MRPS28: variants seen among roughly 807,000 people sequenced by gnomAD.
The protein encoded by MRPS28 is mitochondrial ribosomal protein S28.
MRPS28 carries 7 observed loss-of-function variants against 10.8 expected under a neutral mutation model. The observed-to-expected ratio is 0.65, with a 90% confidence interval of 0.37 to 1.22. MRPS28 has a LOEUF of 1.22. Ranked by LOEUF, MRPS28 falls within the 50% of genes most tolerant of loss-of-function variation. The probability of loss-of-function intolerance (pLI) is 0.02; values close to 1 mark genes in which losing one functional copy is unlikely to be tolerated. For missense variants in MRPS28, 265 were observed against 232.9 expected (o/e 1.14, Z -0.90); for synonymous variants, 121 against 93.3 (o/e 1.30, Z -1.71).
intron 2 of MRPS28, among the ~76,000 whole-genome samples, chr8:79,981,336 A>G (rs1807947822): frequency 6.6e-6 from 1 of 152,138 alleles, no homozygotes; most frequent in South Asian, 2.1e-4. Flanking sequence ...AAAAACAAAA[A>G]CAAAAACATG....
At chr8:80,024,814 A>G (rs1242474985) in intron 1 of MRPS28, among the ~76,000 whole-genome samples, 1 of 152,232 alleles carries the variant, frequency 6.6e-6, no homozygotes, top group Non-Finnish European at 1.5e-5. Context: ...TTCAGGAACT[A>G]CAGCTAGAAA....
chr8:79,928,363 T>G (rs1338011052), intron 2 of MRPS28, among the ~76,000 whole-genome samples: 1 of 151,928 alleles, frequency 6.6e-6, no homozygotes, highest in Non-Finnish European at 1.5e-5. Flanking sequence ...AAAAGAGACT[T>G]TCAGGGCTTA....
chr8:79,941,122 TAC>T (rs1431419620), intron 2 of MRPS28, among the ~76,000 whole-genome samples: 3 of 152,066 alleles, frequency 2.0e-5, no homozygotes, highest in African/African-American at 7.2e-5. Flanking sequence ...CATGTCTCTA[TAC>T]AAAATTAAAA....
At chr8:80,009,269 C>T (rs375761074) in intron 1 of MRPS28, among the ~76,000 whole-genome samples, 1 of 152,100 alleles carries the variant, frequency 6.6e-6, no homozygotes, top group East Asian at 1.9e-4. Flanking sequence ...CACAGCAGGG[C>T]TTGCTGTGGG....
intron 2 of MRPS28, among the ~76,000 whole-genome samples, chr8:79,959,735 TAAGAC>T (rs775129431): frequency 6.6e-6 from 1 of 152,112 alleles, no homozygotes; most frequent in African/African-American, 2.4e-5. Context: ...TTTTAGCTAA[TAAGAC>T]AAGTAGAAAA....
intron 2 of MRPS28, among the ~76,000 whole-genome samples, chr8:79,988,540 A>G (rs1004174923): frequency 6.6e-6 from 1 of 152,042 alleles, no homozygotes; most frequent in Non-Finnish European, 1.5e-5. Context: ...ACAAAGCATC[A>G]TGTTTTCAAG....
At chr8:80,010,480 T>C (rs909526752) in intron 1 of MRPS28, among the ~76,000 whole-genome samples, 2 of 152,204 alleles carry the variant, frequency 1.3e-5, no homozygotes, top group African/African-American at 4.8e-5. Context: ...GAGGGCTTGA[T>C]AATCAGGATA....
intron 2 of MRPS28, among the ~76,000 whole-genome samples, chr8:79,933,154 C>T (rs1415168210): frequency 2.6e-5 from 4 of 152,176 alleles, no homozygotes; most frequent in Non-Finnish European, 5.9e-5. Flanking sequence ...TAACAAAATA[C>T]CACAGATCGG....
rs186817689 is a variant in MRPS28 at position 80,015,206 on chromosome 8, G to T, written c.214-12026C>A. ...GAAAAATCCCCTTGTACTTCAGACG[G>T]CAAGTTCTGTGGGGAATAGAACTAT... On this transcript the variant is annotated intron_variant, in intron 1 of 2. Transcript: ENST00000276585. Among the ~76,000 whole-genome samples the T allele has an allele frequency of 1.7e-3, 252 of 152,332 alleles. 1 individual carries two copies. Among genetic ancestry groups the T allele is most frequent in the Non-Finnish European group, 2.9e-3 (199 of 68,026 alleles).
intron 2 of MRPS28, among the ~76,000 whole-genome samples, chr8:79,948,804 GA>G (rs1237656972): frequency 6.6e-6 from 1 of 151,938 alleles, no homozygotes; most frequent in Admixed American, 6.6e-5. Context: ...ACATTGCCAG[GA>G]TAAACTGCAC....
intron 2 of MRPS28, among the ~76,000 whole-genome samples, chr8:79,925,008 T>G (rs1461432350): frequency 5.3e-5 from 8 of 152,188 alleles, no homozygotes; most frequent in Admixed American, 5.2e-4. Flanking sequence ...ATCACTGTAC[T>G]ATCTGTACTG....
chr8:79,973,732 C>T (rs555129049), intron 2 of MRPS28, among the ~76,000 whole-genome samples: 24 of 151,236 alleles, frequency 1.6e-4, no homozygotes, highest in African/African-American at 5.1e-4. Context: ...CACTCAGAGA[C>T]TCTAGAACTT....
At chr8:79,971,007 A>C (rs548266730) in intron 2 of MRPS28, among the ~76,000 whole-genome samples, 6 of 152,334 alleles carry the variant, frequency 3.9e-5, no homozygotes, top group African/African-American at 1.4e-4. Context: ...TAAACAAACA[A>C]TGGACTTTCC....
intron 2 of MRPS28, among the ~76,000 whole-genome samples, chr8:79,947,618 A>T (rs1055083086): frequency 1.3e-5 from 2 of 150,478 alleles, no homozygotes; most frequent in African/African-American, 4.9e-5. Context: ...ATCTTTTGTT[A>T]AATATATTAA....
intron 2 of MRPS28, among the ~76,000 whole-genome samples, chr8:79,982,772 T>A (rs1007738943): frequency 1.3e-5 from 2 of 152,214 alleles, no homozygotes; most frequent in Non-Finnish European, 2.9e-5. Context: ...AAGCTCGAAC[T>A]GGGTGGAGCC....
At chr8:79,935,878 T>C (rs1386121834) in intron 2 of MRPS28, among the ~76,000 whole-genome samples, 1 of 151,868 alleles carries the variant, frequency 6.6e-6, no homozygotes, top group Non-Finnish European at 1.5e-5. Context: ...AAGAGCCAAA[T>C]GGACAAAGAG....
chr8:80,024,909 A>T (rs530501133), intron 1 of MRPS28, among the ~76,000 whole-genome samples: 1 of 152,342 alleles, frequency 6.6e-6, no homozygotes, highest in Middle Eastern at 3.4e-3. Context: ...ACTCCAGAGC[A>T]TTCAAAAACA....
chr8:79,984,354 AAACTGCATCAACT>A (rs1808080484), intron 2 of MRPS28, among the ~76,000 whole-genome samples: 1 of 152,256 alleles, frequency 6.6e-6, no homozygotes, highest in African/African-American at 2.4e-5. Context: ...GGCTAGGAAG[AAACTGCATCAACT>A]AACGAGCAAA....
At chr8:79,960,433 T>C (rs181488498) in intron 2 of MRPS28, among the ~76,000 whole-genome samples, 2 of 152,260 alleles carry the variant, frequency 1.3e-5, no homozygotes, top group Admixed American at 6.5e-5. Context: ...TACAATTATT[T>C]GCAAAGCACT....
Sources: gnomAD v4.1 joint callset for allele counts (sites outside exome capture counted in the v4.1 genomes callset) on GRCh38, gnomAD v4.1.1 for gene constraint, MANE v1.5 for transcripts, NCBI Gene and HGNC (gene_info 2026-07-23, HGNC 2026-07-21) for gene names.